Variants in PHF14 observed in about 807,000 individuals in gnomAD.
PHF14 encodes the protein PHD finger protein 14.
Under a neutral mutation model 117.9 loss-of-function variants are expected in PHF14, and 55 were observed. The observed-to-expected ratio is 0.47, with a 90% CI of 0.38 to 0.58. The LOEUF (loss-of-function observed/expected upper bound fraction) is 0.58. Ranked by LOEUF, PHF14 falls within the 20% of genes least tolerant of loss-of-function variation. The pLI is 0.00. For synonymous variants in PHF14, 409 were observed against 368.6 expected (o/e 1.11, Z -1.26); for missense variants, 978 against 1,122.2 (o/e 0.87, Z 1.84).
intron 16 of PHF14, among the ~76,000 whole-genome samples, chr7:11,081,810 C>T (rs540594088): frequency 4.6e-5 from 7 of 150,980 alleles, no homozygotes; most frequent in South Asian, 2.1e-4. Context: ...GAGCTGAGAT[C>T]GCGCCACCAC....
At chr7:10,980,961 C>T (rs1166717459) in intron 2 of PHF14, among the ~76,000 whole-genome samples, 1 of 152,046 alleles carries the variant, frequency 6.6e-6, no homozygotes, top group Non-Finnish European at 1.5e-5. Context: ...TCAGAACAGT[C>T]CCAAGTAAGC....
intron 11 of PHF14, among the ~76,000 whole-genome samples, 191 bp downstream of exon 11, chr7:11,039,046 G>C (rs1386278747): frequency 6.6e-6 from 1 of 152,142 alleles, no homozygotes; most frequent in African/African-American, 2.4e-5. Context: ...AGAACCTCTA[G>C]TTTAATTTGG....
At chr7:11,027,104 C>T (rs1332639883) in intron 6 of PHF14, among the ~76,000 whole-genome samples, 2 of 152,016 alleles carry the variant, frequency 1.3e-5, no homozygotes, top group East Asian at 3.9e-4. Context: ...GAATATTTTC[C>T]TTATATTCAC....
intron 16 of PHF14, among the ~76,000 whole-genome samples, chr7:11,078,025 C>T (rs1785932314): frequency 6.6e-6 from 1 of 152,098 alleles, no homozygotes; most frequent in African/African-American, 2.4e-5. Context: ...ATTAAAATGC[C>T]TGAGTATATG....
chr7:11,072,436 A>T (rs1285002046), intron 16 of PHF14, among the ~76,000 whole-genome samples: 1 of 152,164 alleles, frequency 6.6e-6, no homozygotes. Context: ...ACGTATCCAA[A>T]CTATATCAAG....
chr7:11,051,830 A>C (rs940519405), intron 14 of PHF14, 50 bp downstream of exon 14: 7 of 1,490,920 alleles, frequency 4.7e-6, no homozygotes, highest in Non-Finnish European at 6.5e-6. Flanking sequence ...TGAGGCCAAA[A>C]TTTAAGAGAG....
chr7:11,140,233 G>A (rs551394506), intron 17 of PHF14, among the ~76,000 whole-genome samples: 2 of 151,982 alleles, frequency 1.3e-5, no homozygotes, highest in African/African-American at 2.4e-5. Flanking sequence ...CGACCCTACC[G>A]TATATACACA....
At chr7:10,990,873 T>C in intron 4 of PHF14, 26 bp downstream of exon 4, 1 of 1,522,378 alleles carries the variant, frequency 6.6e-7, no homozygotes, top group South Asian at 1.2e-5. Flanking sequence ...TTTCTCTCTT[T>C]TTAGAAATGG....
At chr7:11,113,660 T>C (rs1178072475) in intron 17 of PHF14, among the ~76,000 whole-genome samples, 1 of 152,142 alleles carries the variant, frequency 6.6e-6, no homozygotes, top group East Asian at 1.9e-4. Context: ...AGCTGAAACT[T>C]CCGGAGACTT....
At chr7:11,099,522 A>G (rs2128340863) in intron 16 of PHF14, among the ~76,000 whole-genome samples, 1 of 151,846 alleles carries the variant, frequency 6.6e-6, no homozygotes, top group Non-Finnish European at 1.5e-5. Context: ...AATAGTTCTC[A>G]TTTTACACTT....
intron 10 of PHF14, among the ~76,000 whole-genome samples, chr7:11,038,551 G>A (rs1784390052): frequency 6.6e-6 from 1 of 151,546 alleles, no homozygotes; most frequent in Non-Finnish European, 1.5e-5. Flanking sequence ...CCACCTACTC[G>A]GGAAACTGCA....
At chr7:10,985,430 G>T (rs1782182204) in intron 3 of PHF14, among the ~76,000 whole-genome samples, 1 of 151,884 alleles carries the variant, frequency 6.6e-6, no homozygotes, top group Admixed American at 6.6e-5. Flanking sequence ...TTTATAAGCA[G>T]GCAGACATTT....
intron 17 of PHF14, among the ~76,000 whole-genome samples, chr7:11,155,709 T>C (rs1788822616): frequency 6.6e-6 from 1 of 152,140 alleles, no homozygotes; most frequent in South Asian, 2.1e-4. Flanking sequence ...TCAATTGTTT[T>C]AGTCAGATTG....
intron 4 of PHF14, among the ~76,000 whole-genome samples, chr7:11,001,608 T>TTTTGTTAGTTTTATATCTAAG (rs145893746): frequency 2.0e-5 from 3 of 151,808 alleles, no homozygotes; most frequent in Non-Finnish European, 4.4e-5. Context: ...CTTGGCAATA[T>TTTTGTTAGTTTTATATCTAAG]TATTTTATTT....
intron 4 of PHF14, among the ~76,000 whole-genome samples, chr7:11,010,237 TA>T (rs562871786): frequency 9.9e-5 from 15 of 152,184 alleles, no homozygotes; most frequent in Non-Finnish European, 2.2e-4. Context: ...TCTTTGAATA[TA>T]ATGTTTTGTT....
chr7:11,154,633 A>C (rs1204700355), intron 17 of PHF14, among the ~76,000 whole-genome samples: 1 of 152,122 alleles, frequency 6.6e-6, no homozygotes, highest in African/African-American at 2.4e-5. Context: ...TTATTGCTTT[A>C]TTCAGAGAGA....
intron 16 of PHF14, chr7:11,110,921 T>C (rs1478797328): frequency 6.6e-6 from 1 of 152,580 alleles, no homozygotes; most frequent in African/African-American, 2.4e-5. Flanking sequence ...ATTTTTTAAA[T>C]AATCAAAATG....
At chr7:11,153,985 G>C (rs1056384933) in intron 17 of PHF14, among the ~76,000 whole-genome samples, 2 of 151,416 alleles carry the variant, frequency 1.3e-5, no homozygotes, top group African/African-American at 4.9e-5. Flanking sequence ...TAAGAATAAG[G>C]AATACTTTCC....
intron 5 of PHF14, among the ~76,000 whole-genome samples, 195 bp from the exon 6 acceptor site, chr7:11,022,673 C>T (rs890953571): frequency 1.3e-5 from 2 of 152,064 alleles, no homozygotes; most frequent in African/African-American, 4.8e-5. Context: ...ATTTCAGTCC[C>T]CTTTTTTGTA....
Sources: allele counts gnomAD v4.1 joint callset (sites outside exome capture counted in the v4.1 genomes callset), GRCh38; gene constraint gnomAD v4.1.1; transcripts MANE v1.5; gene names NCBI Gene and HGNC (gene_info 2026-07-23, HGNC 2026-07-21).